The following SRGAP2 variants were observed in gnomAD, a reference collection of about 807,000 sequenced individuals.
SRGAP2 encodes SLIT-ROBO Rho GTPase activating protein 2, also known as SLIT-ROBO Rho GTPase-activating protein 2.
In SRGAP2, 15 loss-of-function variants were observed where a neutral mutation model predicts 57.2. The observed-to-expected ratio is 0.26, with a 90% CI of 0.18 to 0.40. The LOEUF (loss-of-function observed/expected upper bound fraction) is 0.40. SRGAP2 is among the 10% of genes least tolerant of loss of function. The pLI is 1.00. For missense variants in SRGAP2, 520 were observed against 669.6 expected (o/e 0.78, Z 2.47); for synonymous variants, 249 against 248.0 (o/e 1.00, Z -0.04).
chr1:206,266,966 C>CTTT lies in SRGAP2; in HGVS notation c.68-36297_68-36295dup, dbSNP rs1197579154. Among the ~76,000 whole-genome samples the CTTT allele has an allele frequency of 1.6e-3, 115 of 70,068 alleles. 10 individuals carry two copies. The highest frequency in any genetic ancestry group is 8.3e-3 in the Middle Eastern group (1 of 120). 46.0% of individuals were successfully genotyped at this position (70,068 alleles called of 152,430 possible). On this transcript the variant is annotated intron_variant, in intron 2 of 22. Coordinates refer to ENST00000573034, the MANE Select transcript of SRGAP2 (RefSeq NM_015326.5). ...CTAGAAATCTTTCCAGCAAAACTTA[C>CTTT]TTTTTTTTTTTTTTTTTTTTGAGAC... is the stretch of plus-strand genomic sequence containing the variant.
intron 18 of SRGAP2, among the ~76,000 whole-genome samples, chr1:206,446,541 A>C (rs1350645885): frequency 6.6e-6 from 1 of 152,212 alleles, no homozygotes; most frequent in African/African-American, 2.4e-5. Context: ...ATTCTGAAAG[A>C]TATTGACAAC....
chr1:206,239,571 C>T (rs149143665), intron 2 of SRGAP2, among the ~76,000 whole-genome samples: 2,108 of 151,778 alleles, frequency 0.014, 37 homozygotes, highest in African/African-American at 0.046. Context: ...AGTTCTTGTG[C>T]CTCAGCCTCC....
intron 18 of SRGAP2, among the ~76,000 whole-genome samples, chr1:206,447,165 C>A (rs1220177034): frequency 6.6e-6 from 1 of 151,960 alleles, no homozygotes; most frequent in Non-Finnish European, 1.5e-5. Flanking sequence ...TAATCCCTAA[C>A]GTCCCTTACC....
At chr1:206,327,788 C>T (rs1243536526) in intron 3 of SRGAP2, among the ~76,000 whole-genome samples, 23 of 95,020 alleles carry the variant, frequency 2.4e-4, no homozygotes, top group African/African-American at 1.5e-3. Flanking sequence ...ATATCTAGCA[C>T]TACAACTACA....
At chr1:206,257,896 T>G (rs1669296987) in intron 2 of SRGAP2, among the ~76,000 whole-genome samples, 1 of 149,074 alleles carries the variant, frequency 6.7e-6, no homozygotes, top group South Asian at 2.2e-4. Context: ...AAGGCCTCTC[T>G]GAGGAGGTGA....
Position 206,203,819 on chromosome 1 carries a change from A to G in SRGAP2, c.-543+169A>G. The G allele has an allele frequency of 2.0e-6, 3 of 1,528,672 alleles. No homozygotes were observed. The East Asian group carries it at 7.4e-5, about 38-fold the overall frequency. 94.7% of individuals were successfully genotyped at this position (1,528,672 alleles called of 1,614,324 possible). Reference sequence around the variant, plus strand: ...GACCGCCCCCCCTCCACCCTCTCCAAATCTCCCAGTACAGCCCATAATACT... The same window carrying G: ...GACCGCCCCCCCTCCACCCTCTCCAGATCTCCCAGTACAGCCCATAATACT... On this transcript the variant is annotated intron_variant, in intron 1 of 22. Coordinates refer to ENST00000573034, the MANE Select transcript of SRGAP2 (RefSeq NM_015326.5).
intron 2 of SRGAP2, among the ~76,000 whole-genome samples, chr1:206,267,377 T>C (rs1256795305): frequency 4.0e-5 from 6 of 151,344 alleles, no homozygotes; most frequent in Non-Finnish European, 5.9e-5. Context: ...TGCTGAACTT[T>C]AGGATCGAGT....
At chr1:206,341,858 C>T (rs1183239449) in intron 3 of SRGAP2, among the ~76,000 whole-genome samples, 1 of 151,970 alleles carries the variant, frequency 6.6e-6, no homozygotes, top group African/African-American at 2.4e-5. Context: ...GTTAGCTGGG[C>T]GTGGTGGCAG....
intron 2 of SRGAP2, among the ~76,000 whole-genome samples, chr1:206,239,689 C>T (rs1308606759): frequency 1.3e-5 from 2 of 149,492 alleles, no homozygotes; most frequent in Non-Finnish European, 3.0e-5. Context: ...AACTCCCAAC[C>T]TTAGGTGATC....
At chr1:206,347,268 C>CAAAAAAAA (rs1312738869) in intron 4 of SRGAP2, among the ~76,000 whole-genome samples, 1 of 150,630 alleles carries the variant, frequency 6.6e-6, no homozygotes, top group African/African-American at 2.4e-5. Flanking sequence ...AAAAAAAAAA[C>CAAAAAAAA]AACAAAAAAA....
At chr1:206,392,187 A>G (rs1156279084) in intron 5 of SRGAP2, among the ~76,000 whole-genome samples, 2 of 150,368 alleles carry the variant, frequency 1.3e-5, no homozygotes, top group Non-Finnish European at 3.0e-5. Context: ...CAGGCCGGTA[A>G]AAGGAGCTTT....
rs1257284210 is a variant in SRGAP2, at chr1:206,257,985, G to T, written c.68-45296G>T. ...TAGAACGGCAAGTGCAGGGACCTAA[G>T]ATGTGAACAGGCTTGGCACGGTGCA... On this transcript the variant is annotated intron_variant, in intron 2 of 22. Coordinates refer to ENST00000573034, the MANE Select transcript of SRGAP2 (RefSeq NM_015326.5). Among the ~76,000 whole-genome samples, 4 of 151,866 alleles carry T rather than the reference G, an allele frequency of 2.6e-5. No homozygotes were observed. The East Asian group carries it at 7.8e-4, about 29-fold the overall frequency.
At chr1:206,268,388 T>C (rs1452706192) in intron 2 of SRGAP2, among the ~76,000 whole-genome samples, 1 of 150,688 alleles carries the variant, frequency 6.6e-6, no homozygotes, top group African/African-American at 2.4e-5. Context: ...GTTTCATCCA[T>C]GTCCCTACAA....
intron 14 of SRGAP2, among the ~76,000 whole-genome samples, chr1:206,434,066 A>G (rs1661514521): frequency 6.6e-6 from 1 of 152,248 alleles, no homozygotes; most frequent in Non-Finnish European, 1.5e-5. Flanking sequence ...GTGTATAGGC[A>G]TCTAATGAGG....
intron 11 of SRGAP2, among the ~76,000 whole-genome samples, chr1:206,418,247 A>G (rs1186032154): frequency 1.3e-5 from 2 of 152,244 alleles, no homozygotes; most frequent in Non-Finnish European, 2.9e-5. Flanking sequence ...ATGGAAATGG[A>G]ACAGATGTAG....
chr1:206,374,238 G>A (rs868953814), intron 4 of SRGAP2, among the ~76,000 whole-genome samples: 17 of 150,792 alleles, frequency 1.1e-4, no homozygotes, highest in African/African-American at 3.2e-4. Context: ...CCTTGGTCTC[G>A]ATCTCCTGAC....
chr1:206,394,057 T>A, intron 7 of SRGAP2, among the ~76,000 whole-genome samples: 1 of 104,728 alleles, frequency 9.5e-6, no homozygotes, highest in Non-Finnish European at 1.9e-5. Flanking sequence ...TTTTTTTTTT[T>A]TTTTTTTGAG....
intron 10 of SRGAP2, among the ~76,000 whole-genome samples, chr1:206,412,682 C>T (rs1226223229): frequency 6.6e-6 from 1 of 152,034 alleles, no homozygotes; most frequent in East Asian, 1.9e-4. Flanking sequence ...CTATTCTTCC[C>T]TTGCATTCTT....
intron 3 of SRGAP2, among the ~76,000 whole-genome samples, chr1:206,319,261 A>G (rs1324843391): frequency 1.4e-5 from 2 of 147,318 alleles, no homozygotes; most frequent in Admixed American, 6.6e-5. Context: ...AATACAAAAA[A>G]TTATCCGGGT....
Sources: allele counts gnomAD v4.1 joint callset (sites outside exome capture counted in the v4.1 genomes callset), GRCh38; gene constraint gnomAD v4.1.1; transcripts MANE v1.5; gene names NCBI Gene and HGNC (gene_info 2026-07-23, HGNC 2026-07-21).